The following FYB2 variants were observed in gnomAD, a reference collection of about 807,000 sequenced individuals.
FYB2 encodes the protein FYN binding protein 2, also known as FYN-binding protein 2.
FYB2 carries 103 observed loss-of-function variants against 94.1 expected under a neutral mutation model. The ratio of observed to expected loss-of-function variants is 1.09; its 90% confidence interval spans 0.93 to 1.29. FYB2 has a LOEUF of 1.29. FYB2 is among the 50% of genes most tolerant of loss of function. The probability of loss-of-function intolerance (pLI) is 0.00; values close to 1 mark genes in which losing one functional copy is unlikely to be tolerated. For missense variants in FYB2, 896 were observed against 841.5 expected, an observed-to-expected ratio of 1.06 and a Z score of -0.80; for synonymous variants, 293 against 287.9, an observed-to-expected ratio of 1.02 and a Z score of -0.18.
intron 1 of FYB2, among the ~76,000 whole-genome samples, chr1:56,799,039 C>T (rs1379872033): frequency 1.3e-5 from 2 of 152,148 alleles, no homozygotes; most frequent in Admixed American, 1.3e-4. Flanking sequence ...TCAGAGATAA[C>T]TATATTTTTT....
At chr1:56,795,873 T>C (rs1234157711) in intron 1 of FYB2, among the ~76,000 whole-genome samples, 2 of 152,232 alleles carry the variant, frequency 1.3e-5, no homozygotes, top group African/African-American at 2.4e-5. Context: ...CAAGGATCAC[T>C]AGTTCAGCGG....
rs1644447292 is a variant in FYB2 at position 56,719,655 on chromosome 1, T to C, written c.*16A>G. ...GTTCTCCTTTGTGCAGTCCATAGCA[T>C]TTGATCTTGATTTTTCTAAGGTGAC... On this transcript the variant is annotated 3_prime_UTR_variant, in exon 20 of 20. Coordinates refer to ENST00000343433, the MANE Select transcript of FYB2 (RefSeq NM_001004303.5). 1 of 1,597,072 alleles carries C rather than the reference T, an allele frequency of 6.3e-7. No individual in the cohort carries two copies. Among genetic ancestry groups the C allele is most frequent in the Non-Finnish European group, 8.6e-7 (1 of 1,166,764 alleles).
In FYB2 at chr1:56,819,403, A is replaced by C; in HGVS notation, c.-113T>G. ...GCTAGCCAGGGAGCAATCACTTCCCACAGGACACACCTGAGCCCAGGCTCC... is the reference window on the plus strand; with the variant it reads ...GCTAGCCAGGGAGCAATCACTTCCCCCAGGACACACCTGAGCCCAGGCTCC... On this transcript the variant is annotated 5_prime_UTR_variant, in exon 1 of 20. Transcript: ENST00000343433. 7.0e-7 allele frequency: 1 copy of C among 1,434,340 alleles called. No individual in the cohort carries two copies. Among genetic ancestry groups the C allele is most frequent in the Non-Finnish European group, 9.7e-7 (1 of 1,030,218 alleles). 88.9% of individuals were successfully genotyped at this position (1,434,340 alleles called of 1,614,324 possible).
intron 1 of FYB2, among the ~76,000 whole-genome samples, chr1:56,802,612 G>A (rs1032434473): frequency 6.6e-6 from 1 of 152,158 alleles, no homozygotes; most frequent in Admixed American, 6.5e-5. Flanking sequence ...AAATTGAGTT[G>A]AGCAGAAGAA....
intron 1 of FYB2, among the ~76,000 whole-genome samples, chr1:56,804,444 G>T (rs888158834): frequency 1.3e-5 from 2 of 152,178 alleles, no homozygotes; most frequent in Non-Finnish European, 2.9e-5. Context: ...GCAGGTTCAG[G>T]TCAGATGCAG....
chr1:56,761,108 G>A (rs568195921), intron 5 of FYB2, among the ~76,000 whole-genome samples: 2 of 152,208 alleles, frequency 1.3e-5, no homozygotes, highest in African/African-American at 4.8e-5. Context: ...GTCACAACAC[G>A]GTCATGTCTT....
intron 12 of FYB2, among the ~76,000 whole-genome samples, chr1:56,741,359 T>C (rs1644948234): frequency 6.6e-6 from 1 of 152,100 alleles, no homozygotes; most frequent in Non-Finnish European, 1.5e-5. Context: ...CAGGGAAATG[T>C]ACTTTACAAA....
chr1:56,791,314 G>A (rs1290554969), intron 2 of FYB2, among the ~76,000 whole-genome samples: 1 of 150,996 alleles, frequency 6.6e-6, no homozygotes, highest in East Asian at 1.9e-4. Context: ...GGAGTGAAGT[G>A]GTACAATTTT....
chr1:56,775,283 T>C (rs755905269), intron 4 of FYB2, among the ~76,000 whole-genome samples: 1 of 152,160 alleles, frequency 6.6e-6, no homozygotes, highest in Non-Finnish European at 1.5e-5. Context: ...CTTTTTTCTA[T>C]TCATGTATAT....
At chr1:56,794,909 G>A (rs1646359733) in intron 1 of FYB2, among the ~76,000 whole-genome samples, 1 of 151,840 alleles carries the variant, frequency 6.6e-6, no homozygotes, top group Admixed American at 6.6e-5. Context: ...AGCAGTTCAG[G>A]GTTATTGTAA....
intron 1 of FYB2, among the ~76,000 whole-genome samples, chr1:56,817,218 C>G (rs532171692): frequency 1.3e-5 from 2 of 152,354 alleles, no homozygotes; most frequent in South Asian, 4.1e-4. Context: ...TCTGAACACT[C>G]CTTCACTTCC....
intron 1 of FYB2, among the ~76,000 whole-genome samples, chr1:56,815,128 C>A (rs1313298586): frequency 1.3e-5 from 2 of 152,166 alleles, no homozygotes; most frequent in Non-Finnish European, 2.9e-5. Flanking sequence ...TTTTTTTAAA[C>A]TTTCTGCTCT....
chr1:56,771,913 G>C (rs11587540), intron 4 of FYB2, among the ~76,000 whole-genome samples: 7,564 of 150,986 alleles, frequency 0.05, 201 homozygotes, highest in Middle Eastern at 0.12. Context: ...ATATTTTCTA[G>C]TTTTTTTTGC....
chr1:56,770,132 G>C (rs1645719583), intron 4 of FYB2, among the ~76,000 whole-genome samples: 1 of 152,130 alleles, frequency 6.6e-6, no homozygotes, highest in South Asian at 2.1e-4. Flanking sequence ...AGAAATCTAA[G>C]AAAGTGTTAT....
Position 56,789,099 on chromosome 1 carries a change from T to C in FYB2, c.793A>G (p.Lys265Glu). ...TCGATGGAGGGCAATGGCTTTGTTT[T>C]GGGAAGGTGGTGATGCCTGACATCT... is the stretch of plus-strand genomic sequence containing the variant. Reference protein sequence around the residue: ...QPDVRHHHLPKTKPLPSIDSL... With the variant: ...QPDVRHHHLPETKPLPSIDSL... The change falls in exon 3 of 20, where the codon AAA (lysine) becomes GAA (glutamate). Residue 265 changes from lysine (K) to glutamate (E), a missense_variant. Lys to Glu is a moderately conservative substitution (Grantham distance 56, BLOSUM62 1). Coordinates refer to ENST00000343433, the MANE Select transcript of FYB2 (RefSeq NM_001004303.5). 6.2e-7 allele frequency: 1 copy of C among 1,607,300 alleles called. No homozygotes were observed. The highest frequency in any genetic ancestry group is 8.5e-7 in the Non-Finnish European group (1 of 1,176,712).
chr1:56,814,377 G>T (rs1327905817), intron 1 of FYB2, among the ~76,000 whole-genome samples: 1 of 152,188 alleles, frequency 6.6e-6, no homozygotes, highest in Non-Finnish European at 1.5e-5. Context: ...TCTCCCCAGG[G>T]GAAATGTGGG....
At chr1:56,822,050 C>T (rs1241457431), upstream of FYB2, among the ~76,000 whole-genome samples, 2 of 152,150 alleles carry the variant, frequency 1.3e-5, no homozygotes, top group Non-Finnish European at 2.9e-5. Context: ...ATCTTACTGG[C>T]CTAAAGCCAG....
At chr1:56,750,804 G>A (rs1645179117) in intron 9 of FYB2, among the ~76,000 whole-genome samples, 1 of 151,920 alleles carries the variant, frequency 6.6e-6, no homozygotes, top group Non-Finnish European at 1.5e-5. Flanking sequence ...TTGAGTTGCA[G>A]GAATATGAAG....
intron 9 of FYB2, among the ~76,000 whole-genome samples, chr1:56,750,679 A>T (rs563964476): frequency 6.8e-4 from 103 of 152,068 alleles, no homozygotes; most frequent in African/African-American, 2.0e-3. Context: ...TATATATATA[A>T]AAAAAAGAAC....
Sources: gnomAD v4.1 joint callset for allele counts (sites outside exome capture counted in the v4.1 genomes callset) on GRCh38, gnomAD v4.1.1 for gene constraint, MANE v1.5 for transcripts, NCBI Gene and HGNC (gene_info 2026-07-23, HGNC 2026-07-21) for gene names.